NDUFAF4: variants seen among roughly 807,000 people sequenced by gnomAD.
NDUFAF4 encodes the protein NADH:ubiquinone oxidoreductase complex assembly factor 4, also known as NADH dehydrogenase [ubiquinone] 1 alpha subcomplex assembly factor 4.
In NDUFAF4, 10 loss-of-function variants were observed where a neutral mutation model predicts 15.6. The ratio of observed to expected loss-of-function variants is 0.64; its 90% confidence interval spans 0.40 to 1.09. The LOEUF is 1.09. Ranked by LOEUF, NDUFAF4 falls within the 50% of genes least tolerant of loss-of-function variation. NDUFAF4 has a pLI of 0.01. For missense variants in NDUFAF4, 203 were observed against 207.3 expected (o/e 0.98, Z 0.13); for synonymous variants, 77 against 73.3 (o/e 1.05, Z -0.26).
intron 2 of NDUFAF4, 143 bp from the exon 3 acceptor site, chr6:96,891,534 A>C: frequency 1.2e-6 from 1 of 866,590 alleles, no homozygotes; most frequent in Admixed American, 2.4e-5. Context: ...ATGTCACCAA[A>C]TTGTAGTCCC....
intron 2 of NDUFAF4, among the ~76,000 whole-genome samples, chr6:96,895,545 C>T (rs371350816): frequency 1.3e-5 from 2 of 152,066 alleles, no homozygotes; most frequent in African/African-American, 2.4e-5. Flanking sequence ...TATCTCTTTA[C>T]GCATTATATG....
At position 96,897,685 on chromosome 6, in the gene NDUFAF4, G is replaced by A. The variant is rs1775405619; in HGVS notation, c.117C>T (p.Leu39=). The change falls in exon 1 of 3, where the codon CTC becomes CTT. Residue 39 remains leucine (L), a synonymous_variant. Coordinates refer to ENST00000316149, the MANE Select transcript of NDUFAF4 (RefSeq NM_014165.4). ...VAPRHPSTNS[L]LREQISLYPE... ...ACTCACGACTAATCTGCTCTCGCAG[G>A]AGGCTGTTGGTAGAGGGGTGTCTGG... 1.9e-6 allele frequency: 3 copies of A among 1,614,134 alleles called. No individual in the cohort carries two copies. Among genetic ancestry groups the A allele is most frequent in the South Asian group, 2.2e-5 (2 of 91,086 alleles).
At chr6:96,892,135 C>T (rs1294413499) in intron 2 of NDUFAF4, among the ~76,000 whole-genome samples, 1 of 152,106 alleles carries the variant, frequency 6.6e-6, no homozygotes, top group Non-Finnish European at 1.5e-5. Context: ...TAACAGCTGG[C>T]TTGATAACAT....
At position 96,897,871 on chromosome 6, in the gene NDUFAF4, A is replaced by G; in HGVS notation, c.-70T>C. Reference sequence around the variant, plus strand: ...CACCGGCGCAGGACAACTCCGGGACACCCGGAGCATGCGCACAAGTGAGGG... The same window carrying G: ...CACCGGCGCAGGACAACTCCGGGACGCCCGGAGCATGCGCACAAGTGAGGG... On this transcript the variant is annotated 5_prime_UTR_variant, in exon 1 of 3. Transcript: ENST00000316149. The G allele has an allele frequency of 6.2e-7, 1 of 1,606,484 alleles. No individual in the cohort carries two copies. The highest frequency in any genetic ancestry group is 8.5e-7 in the Non-Finnish European group (1 of 1,174,896).
At chr6:96,891,459 A>C in intron 2 of NDUFAF4, 68 bp from the exon 3 acceptor site, 1 of 1,403,840 alleles carries the variant, frequency 7.1e-7, no homozygotes, top group Non-Finnish European at 1.0e-6. Context: ...TACTTCTCAA[A>C]TCTACACTAT....
intron 2 of NDUFAF4, 145 bp downstream of exon 2, chr6:96,896,599 G>A: frequency 1.4e-6 from 1 of 691,660 alleles, no homozygotes; most frequent in Non-Finnish European, 2.6e-6. Flanking sequence ...TCTTACACCA[G>A]TGTGCTTAAA....
rs2127975382 is a variant in NDUFAF4 at position 96,896,980 on chromosome 6, G to A, written c.137-133C>T. ...CTCGCTCTGTTGCCCAGACTGGAGT[G>A]CAGTCGCGCGATCTCGGCTCCCTGC... On this transcript the variant is annotated intron_variant, in intron 1 of 2. Coordinates refer to ENST00000316149, the MANE Select transcript of NDUFAF4 (RefSeq NM_014165.4). The A allele has an allele frequency of 5.8e-6, 4 of 687,852 alleles. No homozygotes were observed. The East Asian group carries it at 1.1e-4, about 20-fold the overall frequency. The allele number at this position is 687,852 out of a possible 1,614,324, so 42.6% of individuals were successfully genotyped here.
At chr6:96,895,966 C>G (rs891124280) in intron 2 of NDUFAF4, 3 of 152,186 alleles carry the variant, frequency 2.0e-5, no homozygotes, top group Admixed American at 2.0e-4. Flanking sequence ...AAAAACTCAT[C>G]TGGTTAACTC....
At chr6:96,895,247 G>A (rs1042160062) in intron 2 of NDUFAF4, among the ~76,000 whole-genome samples, 2 of 152,198 alleles carry the variant, frequency 1.3e-5, no homozygotes, top group African/African-American at 4.8e-5. Flanking sequence ...GAGTTTATAT[G>A]ATGGTAGAGT....
chr6:96,891,176 A>G lies in NDUFAF4; in HGVS notation c.456T>C (p.Leu152=), dbSNP rs1420985475. The part of the protein sequence containing the change: ...YQLEQKDVNS[L]LKYFVTFEVE... ...CTTCAAAAGTAACAAAATATTTAAG[A>G]AGAGAATTCACATCTTTCTGTTCTA... The change falls in exon 3 of 3, where the codon CTT becomes CTC. Residue 152 remains leucine (L), a synonymous_variant. Coordinates refer to ENST00000316149, the MANE Select transcript of NDUFAF4 (RefSeq NM_014165.4). 6.2e-7 allele frequency: 1 copy of G among 1,613,088 alleles called. No homozygotes were observed.
rs1466068256 is a variant in NDUFAF4 at position 96,890,657 on chromosome 6, T to G, written c.*447A>C. ...TGTTAGTCTACCCTGCTATCGAGTC[T>G]CTTTCCCTAACGAGAAAATGTCAGT... On this transcript the variant is annotated 3_prime_UTR_variant, in exon 3 of 3. Transcript: ENST00000316149. 1 of 160,104 alleles carries G rather than the reference T, an allele frequency of 6.2e-6. No individual in the cohort carries two copies. The highest frequency in any genetic ancestry group is 1.4e-5 in the Non-Finnish European group (1 of 73,358). The allele number at this position is 160,104 out of a possible 1,614,324, so 9.9% of individuals were successfully genotyped here.
intron 2 of NDUFAF4, chr6:96,896,287 T>C (rs1368997448): frequency 5.5e-6 from 1 of 180,860 alleles, no homozygotes; most frequent in African/African-American, 2.4e-5. Flanking sequence ...TAATTTTAAA[T>C]ATCCTATCTG....
In NDUFAF4 at chr6:96,897,690, T is replaced by C; in HGVS notation, c.112A>G (p.Ser38Gly). The part of the protein sequence containing the change: ...SVAPRHPSTN[S>G]LLREQISLYP... ...CGACTAATCTGCTCTCGCAGGAGGC[T>C]GTTGGTAGAGGGGTGTCTGGGAGCG... is the stretch of plus-strand genomic sequence containing the variant. Residue 38 changes from serine to glycine, a missense_variant, in exon 1 of 3, where the codon AGC (serine) becomes GGC (glycine). Transcript: ENST00000316149. 6.2e-7 allele frequency: 1 copy of C among 1,614,162 alleles called. No individual in the cohort carries two copies. Among genetic ancestry groups the C allele is most frequent in the Non-Finnish European group, 8.5e-7 (1 of 1,179,998 alleles).
At position 96,890,945 on chromosome 6, in the gene NDUFAF4, C is replaced by T. The variant is rs1775306899; in HGVS notation, c.*159G>A. On this transcript the variant is annotated 3_prime_UTR_variant, in exon 3 of 3. Transcript: ENST00000316149. Reference sequence around the variant, plus strand: ...AAATAAAACAAAAGATATTCTATGGCAATCTTGAAAAGTCAGGGAGCTCAA... The same window carrying T: ...AAATAAAACAAAAGATATTCTATGGTAATCTTGAAAAGTCAGGGAGCTCAA... The T allele has an allele frequency of 1.5e-6, 1 of 667,726 alleles. No individual in the cohort carries two copies. Among genetic ancestry groups the T allele is most frequent in the Non-Finnish European group, 2.5e-6 (1 of 402,742 alleles). The allele number at this position is 667,726 out of a possible 1,614,324, so 41.4% of individuals were successfully genotyped here.
chr6:96,895,099 A>T (rs1775355531), intron 2 of NDUFAF4, among the ~76,000 whole-genome samples: 1 of 152,216 alleles, frequency 6.6e-6, no homozygotes, highest in Non-Finnish European at 1.5e-5. Flanking sequence ...CTCTTCAACA[A>T]ATTATATTTA....
intron 2 of NDUFAF4, among the ~76,000 whole-genome samples, chr6:96,893,342 ACTTCC>A (rs1775336769): frequency 6.6e-6 from 1 of 152,198 alleles, no homozygotes; most frequent in Admixed American, 6.5e-5. Context: ...CTCTTTAATG[ACTTCC>A]CATTGTCTTC....
intron 2 of NDUFAF4, among the ~76,000 whole-genome samples, chr6:96,891,800 A>G (rs1775319979): frequency 2.0e-5 from 3 of 152,022 alleles, no homozygotes; most frequent in Admixed American, 2.0e-4. Context: ...CAGAATCGTG[A>G]GCCAATTAAA....
chr6:96,889,827 C>T lies in NDUFAF4; in HGVS notation c.*1277G>A, dbSNP rs886231285. On this transcript the variant is annotated 3_prime_UTR_variant, in exon 3 of 3. Transcript: ENST00000316149. Reference sequence around the variant, plus strand: ...CTGCTTTTTGGCAAGACAGAAAAAACACACTACTAGGATTTGAAAAACTAA... The same window carrying T: ...CTGCTTTTTGGCAAGACAGAAAAAATACACTACTAGGATTTGAAAAACTAA... 7 of 152,170 alleles carry T rather than the reference C, an allele frequency of 4.6e-5. No individual in the cohort carries two copies. Among genetic ancestry groups the T allele is most frequent in the African/African-American group, 1.7e-4 (7 of 41,432 alleles). 9.4% of individuals were successfully genotyped at this position (152,170 alleles called of 1,614,324 possible).
chr6:96,895,618 G>C (rs1775361887), intron 2 of NDUFAF4, among the ~76,000 whole-genome samples: 1 of 152,018 alleles, frequency 6.6e-6, no homozygotes, highest in African/African-American at 2.4e-5. Context: ...TGAATTTTCA[G>C]ATGCATAATT....
Sources: gnomAD v4.1 joint callset for allele counts (sites outside exome capture counted in the v4.1 genomes callset) on GRCh38, gnomAD v4.1.1 for gene constraint, MANE v1.5 for transcripts, NCBI Gene and HGNC (gene_info 2026-07-23, HGNC 2026-07-21) for gene names.